Variants in NPAS3 observed in about 807,000 individuals in gnomAD.
NPAS3 encodes the protein neuronal PAS domain-containing protein 3.
A neutral mutation model predicts 73.1 loss-of-function variants in NPAS3; 14 were observed. The observed-to-expected ratio is 0.19, with a 90% CI of 0.13 to 0.30. NPAS3 has a LOEUF of 0.30. Among genes scored for constraint, NPAS3 ranks in the 10% least tolerant of loss-of-function variants. The pLI, the probability that NPAS3 is intolerant of heterozygous loss-of-function variation, is 1.00. For synonymous variants in NPAS3, 620 were observed against 541.5 expected (o/e 1.14, Z -2.01); for missense variants, 1,096 against 1,250.0 (o/e 0.88, Z 1.86).
chr14:33,331,496 A>G (rs2043982887), intron 3 of NPAS3, among the ~76,000 whole-genome samples: 1 of 152,156 alleles, frequency 6.6e-6, no homozygotes, highest in South Asian at 2.1e-4. Context: ...AAATTGGCCT[A>G]GATTATAGTG....
chr14:33,099,011 T>A (rs1041050213), intron 2 of NPAS3, among the ~76,000 whole-genome samples: 2 of 152,102 alleles, frequency 1.3e-5, no homozygotes, highest in African/African-American at 2.4e-5. Context: ...TGGAGCCGAG[T>A]CTATCCAGAG....
At chr14:33,658,764 G>T (rs929942085) in intron 5 of NPAS3, among the ~76,000 whole-genome samples, 1 of 152,124 alleles carries the variant, frequency 6.6e-6, no homozygotes. Context: ...ATCAAAGGCA[G>T]CTGTCTTTTG....
At chr14:32,973,493 G>A (rs907885735) in intron 1 of NPAS3, among the ~76,000 whole-genome samples, 14 of 147,178 alleles carry the variant, frequency 9.5e-5, no homozygotes, top group African/African-American at 3.0e-4. Context: ...GGAATTGCTT[G>A]TAAATGCAAT....
chr14:33,373,384 A>G (rs948639802), intron 4 of NPAS3, among the ~76,000 whole-genome samples: 1 of 108,990 alleles, frequency 9.2e-6, no homozygotes, highest in Admixed American at 1.1e-4. Context: ...ATATTGAACT[A>G]TATGTGTGTG....
At chr14:33,582,233 C>T in intron 5 of NPAS3, 1 of 152,136 alleles carries the variant, frequency 6.6e-6, no homozygotes, top group Non-Finnish European at 1.5e-5. Context: ...AACGGAACTG[C>T]ATTTTATGTT....
intron 4 of NPAS3, among the ~76,000 whole-genome samples, chr14:33,422,990 G>A (rs1177700541): frequency 1.3e-5 from 2 of 151,954 alleles, no homozygotes; most frequent in South Asian, 2.1e-4. Context: ...AGTGGGTGGA[G>A]GGACCACCCA....
At chr14:33,158,051 A>C (rs1231323772) in intron 2 of NPAS3, among the ~76,000 whole-genome samples, 2 of 103,140 alleles carry the variant, frequency 1.9e-5, no homozygotes, top group Non-Finnish European at 4.4e-5. Context: ...TTTTAATGGA[A>C]ATTTAAGGAA....
At chr14:33,799,843 C>T (rs1223503085) in exon 12 of NPAS3, 2 of 1,614,036 alleles carry the variant, frequency 1.2e-6, no homozygotes, top group East Asian at 2.2e-5. Context: ...ACGACATGAA[C>T]TGCAACGACG....
chr14:33,658,687 CAG>C, intron 5 of NPAS3, among the ~76,000 whole-genome samples: 1 of 152,246 alleles, frequency 6.6e-6, no homozygotes, highest in Non-Finnish European at 1.5e-5. Flanking sequence ...CTTGCAATGT[CAG>C]GGGGAGGATG....
chr14:33,645,952 AAG>A (rs2058817432), intron 5 of NPAS3, among the ~76,000 whole-genome samples: 1 of 152,236 alleles, frequency 6.6e-6, no homozygotes, highest in Non-Finnish European at 1.5e-5. Flanking sequence ...GTAATGAAGA[AAG>A]AGAAGTTAAT....
chr14:33,182,089 C>G lies in NPAS3; in HGVS notation c.141-33093C>G, dbSNP rs547697198. Among the ~76,000 whole-genome samples, 30 of 152,218 alleles carry G rather than the reference C, an allele frequency of 2.0e-4. No homozygotes were observed. The East Asian group carries it at 5.0e-3, about 25-fold the overall frequency. ...CTTCCTCCTTCCCCTAGATACCAGG[C>G]TGTATGCAGAGCAGTCAATAGGTAA... On this transcript the variant is annotated intron_variant, in intron 2 of 11. Transcript: ENST00000356141.
At chr14:33,468,890 T>C (rs1317836176) in intron 4 of NPAS3, among the ~76,000 whole-genome samples, 3 of 152,192 alleles carry the variant, frequency 2.0e-5, no homozygotes, top group Non-Finnish European at 4.4e-5. Context: ...TAGTAAAACT[T>C]CATTCTTGTT....
At chr14:33,145,938 A>C (rs1259704167) in intron 2 of NPAS3, among the ~76,000 whole-genome samples, 1 of 152,160 alleles carries the variant, frequency 6.6e-6, no homozygotes, top group Non-Finnish European at 1.5e-5. Context: ...TAACTTAAAG[A>C]AGAATGAAAG....
At chr14:33,019,859 A>C (rs1305409431) in intron 1 of NPAS3, among the ~76,000 whole-genome samples, 1 of 152,232 alleles carries the variant, frequency 6.6e-6, no homozygotes, top group African/African-American at 2.4e-5. Context: ...AATGCCTTCT[A>C]AACAACCCCA....
chr14:33,735,187 G>T, intron 6 of NPAS3, 27 bp from the exon 7 acceptor site: 1 of 1,508,102 alleles, frequency 6.6e-7, no homozygotes, highest in Non-Finnish European at 9.2e-7. Context: ...TCTAAATCGT[G>T]TGTGTCTGTA....
chr14:33,031,487 C>CT (rs1566485060), intron 1 of NPAS3, among the ~76,000 whole-genome samples: 1 of 151,978 alleles, frequency 6.6e-6, no homozygotes, highest in East Asian at 1.9e-4. Flanking sequence ...TCACTATGTG[C>CT]TTTTCTGTTT....
intron 1 of NPAS3, among the ~76,000 whole-genome samples, chr14:33,042,507 C>G (rs902836930): frequency 6.6e-6 from 1 of 152,176 alleles, no homozygotes; most frequent in Non-Finnish European, 1.5e-5. Flanking sequence ...GTAGAAAGCT[C>G]TGCCAAAATA....
intron 5 of NPAS3, among the ~76,000 whole-genome samples, chr14:33,673,588 A>G (rs2059672097): frequency 1.3e-5 from 2 of 152,220 alleles, no homozygotes; most frequent in South Asian, 2.1e-4. Flanking sequence ...TACTTCTCAC[A>G]AAGTGATTTC....
intron 5 of NPAS3, among the ~76,000 whole-genome samples, chr14:33,591,007 C>A (rs1219340068): frequency 1.3e-5 from 2 of 152,118 alleles, no homozygotes; most frequent in Non-Finnish European, 2.9e-5. Flanking sequence ...AAAACTTGGG[C>A]AGAACTCCTA....
Sources: allele counts gnomAD v4.1 joint callset (sites outside exome capture counted in the v4.1 genomes callset), GRCh38; gene constraint gnomAD v4.1.1; transcripts MANE v1.5; gene names NCBI Gene and HGNC (gene_info 2026-07-23, HGNC 2026-07-21).